The following C7orf57 variants were observed in gnomAD, a reference collection of about 807,000 sequenced individuals.
C7orf57 encodes uncharacterized protein C7orf57.
A neutral mutation model predicts 39.0 loss-of-function variants in C7orf57; 33 were observed. The ratio of observed to expected loss-of-function variants is 0.85; its 90% CI spans 0.64 to 1.13. The LOEUF (loss-of-function observed/expected upper bound fraction) is 1.13, where lower values mean the gene tolerates loss of function less well. Ranked by LOEUF, C7orf57 falls within the 50% of genes most tolerant of loss-of-function variation. C7orf57 has a pLI of 0.00. For missense variants in C7orf57, 346 were observed against 362.3 expected (o/e 0.95, Z 0.37); for synonymous variants, 124 against 137.1 (o/e 0.90, Z 0.67).
intron 4 of C7orf57, among the ~76,000 whole-genome samples, chr7:48,045,925 C>CATGTTAA (rs999543517): frequency 6.6e-5 from 10 of 152,100 alleles, no homozygotes; most frequent in African/African-American, 2.2e-4. Context: ...TTTAAATGAA[C>CATGTTAA]ATGTTAAATG....
rs199558027 is a variant in C7orf57, at chr7:48,051,817, CTCTTTCTTTCTTTCTTTCTT to C, written c.606-847_606-828del. ...TTCTTTCCTTCCTTCCTTTTCTCTT[CTCTTTCTTTCTTTCTTTCTT>C]TCTTTCTTTCTTTCTTTCTTTCTTT... On this transcript the variant is annotated intron_variant, in intron 6 of 8. Coordinates refer to ENST00000348904, the MANE Select transcript of C7orf57 (RefSeq NM_001100159.3). 8.6e-3 allele frequency among the ~76,000 whole-genome samples: 439 copies of C among 51,168 alleles called. 25 individuals are homozygous for C. The highest frequency in any genetic ancestry group is 0.016 in the Middle Eastern group (1 of 64). The allele number at this position is 51,168 out of a possible 152,430, so 33.6% of individuals were successfully genotyped here. A position where few individuals can be genotyped will look rare whatever the true frequency, so the allele number is the denominator to read the frequency against.
chr7:48,054,654 C>T, intron 8 of C7orf57, 48 bp downstream of exon 8: 1 of 1,503,122 alleles, frequency 6.7e-7, no homozygotes, highest in Non-Finnish European at 9.1e-7. Context: ...AAGTCTTACA[C>T]AAAGAAATTG....
intron 4 of C7orf57, among the ~76,000 whole-genome samples, chr7:48,046,171 AAGG>A (rs1790705671): frequency 6.6e-6 from 1 of 151,754 alleles, no homozygotes; most frequent in Admixed American, 6.6e-5. Context: ...CTGTGTTTTC[AAGG>A]AGAATGGGTA....
chr7:48,060,149 T>G, intron 8 of C7orf57, 77 bp from the exon 9 acceptor site: 1 of 979,244 alleles, frequency 1.0e-6, no homozygotes, highest in Non-Finnish European at 1.5e-6. Flanking sequence ...ATGTGTTTTC[T>G]TATATTTAAA....
At chr7:48,051,455 A>G (rs1044351834) in intron 6 of C7orf57, among the ~76,000 whole-genome samples, 1 of 145,404 alleles carries the variant, frequency 6.9e-6, no homozygotes, top group Non-Finnish European at 1.5e-5. Context: ...GGTTCATGCC[A>G]TTCTCCTGCC....
chr7:48,047,932 C>T (rs1007737960), intron 5 of C7orf57, among the ~76,000 whole-genome samples: 2 of 152,198 alleles, frequency 1.3e-5, no homozygotes, highest in African/African-American at 4.8e-5. Context: ...ACCAATTACA[C>T]TGAGCTACAA....
At chr7:48,037,286 A>G (rs1225031780) in intron 2 of C7orf57, among the ~76,000 whole-genome samples, 1 of 152,184 alleles carries the variant, frequency 6.6e-6, no homozygotes, top group Non-Finnish European at 1.5e-5. Context: ...GCAGTAAGGA[A>G]CACTAACAAC....
At chr7:48,036,699 G>A (rs1360904404) in intron 2 of C7orf57, among the ~76,000 whole-genome samples, 2 of 152,132 alleles carry the variant, frequency 1.3e-5, no homozygotes, top group Admixed American at 6.5e-5. Flanking sequence ...TCACAACTGC[G>A]TTCCTGAATG....
intron 7 of C7orf57, among the ~76,000 whole-genome samples, chr7:48,053,526 A>T (rs1164874964): frequency 6.6e-6 from 1 of 152,134 alleles, no homozygotes; most frequent in Non-Finnish European, 1.5e-5. Flanking sequence ...ATCACAGATC[A>T]CTGTAGCCTC....
intron 8 of C7orf57, among the ~76,000 whole-genome samples, chr7:48,057,039 T>C (rs1791135287): frequency 6.6e-6 from 1 of 151,754 alleles, no homozygotes; most frequent in East Asian, 1.9e-4. Flanking sequence ...GTAATATATT[T>C]TGAAATCAGA....
At chr7:48,038,786 G>C (rs866444947) in intron 2 of C7orf57, among the ~76,000 whole-genome samples, 22 of 152,144 alleles carry the variant, frequency 1.4e-4, no homozygotes, top group African/African-American at 5.1e-4. Flanking sequence ...AGAAGTTATA[G>C]GAAGACATCA....
At chr7:48,037,777 G>GCGCA (rs1554298381) in intron 2 of C7orf57, among the ~76,000 whole-genome samples, 9 of 151,776 alleles carry the variant, frequency 5.9e-5, no homozygotes, top group South Asian at 2.1e-4. Flanking sequence ...GTGCGCGCGC[G>GCGCA]TGCGTGTGTG....
At chr7:48,047,073 G>A (rs867711351) in intron 5 of C7orf57, among the ~76,000 whole-genome samples, 1 of 152,186 alleles carries the variant, frequency 6.6e-6, no homozygotes, top group African/African-American at 2.4e-5. Flanking sequence ...ACAAAGGAGT[G>A]ACTGGCTGTG....
At chr7:48,036,407 C>G (rs765278417) in intron 2 of C7orf57, 44 bp downstream of exon 2, 2 of 1,506,412 alleles carry the variant, frequency 1.3e-6, no homozygotes, top group Non-Finnish European at 1.8e-6. Context: ...GAGCTGGGTG[C>G]GTGCACTCTG....
chr7:48,048,142 G>A (rs1790769825), intron 5 of C7orf57, among the ~76,000 whole-genome samples: 1 of 152,232 alleles, frequency 6.6e-6, no homozygotes, highest in Admixed American at 6.5e-5. Context: ...AGGATGACAA[G>A]GGGTGGTGGT....
intron 2 of C7orf57, among the ~76,000 whole-genome samples, chr7:48,039,618 A>T (rs969581056): frequency 7.9e-5 from 12 of 152,174 alleles, no homozygotes; most frequent in African/African-American, 2.9e-4. Flanking sequence ...TGTTATTTTC[A>T]TCTAAAAAAC....
chr7:48,046,671 C>G, intron 5 of C7orf57, 55 bp downstream of exon 5: 2 of 1,562,304 alleles, frequency 1.3e-6, no homozygotes, highest in East Asian at 2.3e-5. Flanking sequence ...TCTGTGGTCT[C>G]GAGTAATTAA....
At chr7:48,038,122 TTC>T (rs940268149) in intron 2 of C7orf57, among the ~76,000 whole-genome samples, 32 of 152,360 alleles carry the variant, frequency 2.1e-4, no homozygotes, top group African/African-American at 7.7e-4. Context: ...TCCAATTTTT[TTC>T]TTTCCTTTTC....
chr7:48,046,684 G>T, intron 5 of C7orf57, 68 bp downstream of exon 5: 18 of 1,519,356 alleles, frequency 1.2e-5, no homozygotes, highest in Non-Finnish European at 1.6e-5. Context: ...GTAATTAAGT[G>T]CTGTGATGTT....
Sources: allele counts gnomAD v4.1 joint callset (sites outside exome capture counted in the v4.1 genomes callset), GRCh38; gene constraint gnomAD v4.1.1; transcripts MANE v1.5; gene names NCBI Gene and HGNC (gene_info 2026-07-23, HGNC 2026-07-21).